SDK1: variants seen among roughly 807,000 people sequenced by gnomAD.
SDK1 encodes the protein protein sidekick-1.
In SDK1, 157 loss-of-function variants were observed where a neutral mutation model predicts 245.5. The ratio of observed to expected loss-of-function variants is 0.64; its 90% CI spans 0.56 to 0.73. The LOEUF (loss-of-function observed/expected upper bound fraction) is 0.73, where lower values mean the gene tolerates loss of function less well. SDK1 is among the 30% of genes least tolerant of loss of function. SDK1 has a pLI of 0.00. For missense variants in SDK1, 3,583 were observed against 3,002.3 expected (o/e 1.19, Z -4.52); for synonymous variants, 1,647 against 1,278.5 (o/e 1.29, Z -6.15).
chr7:3,302,765 A>G (rs1222255351), intron 1 of SDK1, among the ~76,000 whole-genome samples: 1 of 152,216 alleles, frequency 6.6e-6, no homozygotes, highest in Non-Finnish European at 1.5e-5. Flanking sequence ...AAAACACATT[A>G]GTGAACTGGT....
At chr7:3,522,185 G>C (rs997460426) in intron 1 of SDK1, among the ~76,000 whole-genome samples, 4 of 151,966 alleles carry the variant, frequency 2.6e-5, no homozygotes, top group Non-Finnish European at 1.5e-5. Flanking sequence ...GTGTTAATCA[G>C]AATGATGCAT....
At chr7:3,625,550 C>G (rs546191020) in intron 2 of SDK1, among the ~76,000 whole-genome samples, 1 of 152,168 alleles carries the variant, frequency 6.6e-6, no homozygotes, top group Non-Finnish European at 1.5e-5. Flanking sequence ...GCAGGGATCC[C>G]TTATCAAGTT....
intron 1 of SDK1, among the ~76,000 whole-genome samples, chr7:3,607,791 T>C (rs2128640978): frequency 6.6e-6 from 1 of 152,356 alleles, no homozygotes; most frequent in Middle Eastern, 3.4e-3. Context: ...TGTGACAACA[T>C]GTTTTAATAG....
chr7:3,781,967 C>A (rs1279385779), intron 4 of SDK1, among the ~76,000 whole-genome samples: 1 of 152,120 alleles, frequency 6.6e-6, no homozygotes, highest in East Asian at 1.9e-4. Context: ...TTAAGGACAG[C>A]AGAGAGAAAA....
At chr7:3,809,947 G>C (rs1779345599) in intron 4 of SDK1, among the ~76,000 whole-genome samples, 1 of 152,232 alleles carries the variant, frequency 6.6e-6, no homozygotes, top group African/African-American at 2.4e-5. Flanking sequence ...ACGCTTCTCT[G>C]CAGAGGCTGC....
At chr7:3,434,718 G>GTGTGAGT (rs1779969762) in intron 1 of SDK1, among the ~76,000 whole-genome samples, 7 of 152,120 alleles carry the variant, frequency 4.6e-5, no homozygotes, top group Admixed American at 4.6e-4. Flanking sequence ...TCCCTGTGAG[G>GTGTGAGT]TGTGAGTTGT....
chr7:3,968,602 A>G (rs999116737), intron 10 of SDK1, among the ~76,000 whole-genome samples: 4 of 152,226 alleles, frequency 2.6e-5, no homozygotes, highest in Admixed American at 2.0e-4. Flanking sequence ...AATGTTTCAA[A>G]TACATGCAGA....
chr7:3,405,744 G>C (rs1273367704), intron 1 of SDK1, among the ~76,000 whole-genome samples: 1 of 151,556 alleles, frequency 6.6e-6, no homozygotes, highest in African/African-American at 2.4e-5. Context: ...TAGTCATCTT[G>C]ATTGTACTTA....
In SDK1 at chr7:3,836,274, A is replaced by G. The variant is rs145134131; in HGVS notation, c.847+14691A>G. Among the ~76,000 whole-genome samples the G allele has an allele frequency of 1.5e-3, 233 of 152,364 alleles. 2 individuals carry two copies. The highest frequency in any genetic ancestry group is 0.01 in the Middle Eastern group (3 of 294). On this transcript the variant is annotated intron_variant, in intron 5 of 44. Coordinates refer to ENST00000404826, the MANE Select transcript of SDK1 (RefSeq NM_152744.4). ...TAGTTCTGCATCTCCAAGCCATTCA[A>G]TATGCAATTGTGAAAACTGATATCC...
intron 5 of SDK1, among the ~76,000 whole-genome samples, chr7:3,848,022 T>C (rs561330510): frequency 6.6e-6 from 1 of 152,220 alleles, no homozygotes; most frequent in Non-Finnish European, 1.5e-5. Context: ...CATACACACA[T>C]GTGCATATGT....
intron 1 of SDK1, among the ~76,000 whole-genome samples, chr7:3,602,384 A>G (rs1193641211): frequency 6.6e-6 from 1 of 151,836 alleles, no homozygotes. Context: ...CTGGTGTGAG[A>G]TGGTATCTCA....
intron 28 of SDK1, among the ~76,000 whole-genome samples, chr7:4,137,321 C>A (rs577567575): frequency 6.6e-6 from 1 of 152,308 alleles, no homozygotes; most frequent in South Asian, 2.1e-4. Context: ...CCTAAAACGT[C>A]CGGATAGAAG....
At chr7:4,244,118 C>G (rs1002419099) in intron 43 of SDK1, among the ~76,000 whole-genome samples, 1 of 152,190 alleles carries the variant, frequency 6.6e-6, no homozygotes, top group East Asian at 1.9e-4. Flanking sequence ...ACACCCACGA[C>G]ACAAAACCAG....
intron 1 of SDK1, among the ~76,000 whole-genome samples, chr7:3,349,403 G>C (rs1780597765): frequency 6.6e-6 from 1 of 152,198 alleles, no homozygotes; most frequent in South Asian, 2.1e-4. Flanking sequence ...AATGGGGCTG[G>C]GGAGGGAGGG....
chr7:3,517,933 G>T (rs1013788349), intron 1 of SDK1, among the ~76,000 whole-genome samples: 1 of 151,966 alleles, frequency 6.6e-6, no homozygotes, highest in Admixed American at 6.6e-5. Context: ...TCAGTTTAAT[G>T]GTAATTCATT....
At chr7:3,322,023 T>C (rs1314094437) in intron 1 of SDK1, among the ~76,000 whole-genome samples, 6 of 148,672 alleles carry the variant, frequency 4.0e-5, no homozygotes, top group East Asian at 2.0e-4. Context: ...TTTTTTTTTT[T>C]CACTTAGGTG....
At chr7:3,956,137 T>C (rs1292243614) in intron 7 of SDK1, among the ~76,000 whole-genome samples, 1 of 152,202 alleles carries the variant, frequency 6.6e-6, no homozygotes. Flanking sequence ...AAGTCCAGGG[T>C]GGACCCATGT....
intron 5 of SDK1, among the ~76,000 whole-genome samples, chr7:3,830,086 T>C (rs1730781520): frequency 6.6e-6 from 1 of 152,188 alleles, no homozygotes; most frequent in African/African-American, 2.4e-5. Flanking sequence ...ATATGACTGA[T>C]GTGCGTGATT....
intron 4 of SDK1, among the ~76,000 whole-genome samples, chr7:3,774,588 G>T (rs1442050694): frequency 6.6e-6 from 1 of 152,168 alleles, no homozygotes; most frequent in Non-Finnish European, 1.5e-5. Context: ...GCCTTAAGTA[G>T]CCTCCAGAGT....
Sources: gnomAD v4.1 joint callset for allele counts (sites outside exome capture counted in the v4.1 genomes callset) on GRCh38, gnomAD v4.1.1 for gene constraint, MANE v1.5 for transcripts, NCBI Gene and HGNC (gene_info 2026-07-23, HGNC 2026-07-21) for gene names.